The following AUH variants were observed in gnomAD, a reference collection of about 807,000 sequenced individuals.
The protein encoded by AUH is AU RNA binding methylglutaconyl-CoA hydratase, also known as methylglutaconyl-CoA hydratase, mitochondrial.
Under a neutral mutation model 42.3 loss-of-function variants are expected in AUH, and 29 were observed. That is an observed-to-expected ratio of 0.69 (90% CI 0.51 to 0.93). The LOEUF is 0.93. Among genes scored for constraint, AUH ranks in the 40% least tolerant of loss-of-function variants. The pLI, the probability that AUH is intolerant of heterozygous loss-of-function variation, is 0.00. For synonymous variants in AUH, 174 were observed against 166.4 expected (o/e 1.05, Z -0.35); for missense variants, 452 against 438.1 (o/e 1.03, Z -0.28).
chr9:91,257,622 T>C (rs1335308038), intron 6 of AUH, among the ~76,000 whole-genome samples: 1 of 152,248 alleles, frequency 6.6e-6, no homozygotes, highest in Non-Finnish European at 1.5e-5. Flanking sequence ...GGTCTATTTC[T>C]GGAATTTCTA....
At chr9:91,323,100 A>C (rs1014815185) in intron 4 of AUH, among the ~76,000 whole-genome samples, 5 of 152,222 alleles carry the variant, frequency 3.3e-5, no homozygotes, top group Non-Finnish European at 5.9e-5. Flanking sequence ...AAGTCAAAGA[A>C]AGATAAGGAT....
chr9:91,284,515 C>T (rs1022517513), intron 6 of AUH, among the ~76,000 whole-genome samples: 6 of 152,134 alleles, frequency 3.9e-5, no homozygotes, highest in East Asian at 3.9e-4. Context: ...CTGCCATCAG[C>T]GTGAACAGGC....
intron 4 of AUH, among the ~76,000 whole-genome samples, chr9:91,313,801 C>G (rs1240386844): frequency 6.7e-6 from 1 of 148,460 alleles, no homozygotes; most frequent in Non-Finnish European, 1.5e-5. Context: ...GGCCTCTGTG[C>G]AGTATCTGGT....
intron 6 of AUH, among the ~76,000 whole-genome samples, chr9:91,268,614 C>T (rs543632864): frequency 3.9e-5 from 6 of 152,096 alleles, no homozygotes; most frequent in Non-Finnish European, 5.9e-5. Context: ...TATTTTAGTA[C>T]AGATGGGGTT....
In AUH at chr9:91,361,728, C is replaced by A. The variant is rs1471856715; in HGVS notation, c.162G>T (p.Trp54Cys). Reference protein sequence around the residue: ...RAGPAIWAQGWVPAAGGPAPK... With the variant: ...RAGPAIWAQGCVPAAGGPAPK... ...GGGCGGGACCCCCGGCCGCAGGTAC[C>A]CAGCCCTGGGCCCAGATCGCCGGGC... The change falls in exon 1 of 10, where the codon TGG becomes TGT. Residue 54 changes from tryptophan to cysteine, a missense_variant. Coordinates refer to ENST00000375731, the MANE Select transcript of AUH (RefSeq NM_001698.3). The A allele has an allele frequency of 6.5e-7, 1 of 1,549,440 alleles. No individual in the cohort carries two copies. The highest frequency in any genetic ancestry group is 2.4e-5 in the East Asian group (1 of 40,946).
At chr9:91,239,041 C>T (rs1173936116) in intron 6 of AUH, among the ~76,000 whole-genome samples, 1 of 152,176 alleles carries the variant, frequency 6.6e-6, no homozygotes, top group Non-Finnish European at 1.5e-5. Context: ...CAAGCTTTGA[C>T]ATTTCACATT....
chr9:91,361,809 AC>A lies in AUH; in HGVS notation c.80del (p.Ser27MetfsTer8), dbSNP rs730880310. ...AGGARLVAAC[S>X]AWLCPGLRLP... ...GCCTCAACCCCGGGCAGAGCCACGC[AC>A]TGCAAGCGGCCACCAGGCGGGCGCC... On this transcript the variant is annotated frameshift_variant, in exon 1 of 10. Transcript: ENST00000375731. LOFTEE classifies it high-confidence loss of function. 6.6e-7 allele frequency: 1 copy of A among 1,517,094 alleles called. No individual in the cohort carries two copies. 94.0% of individuals were successfully genotyped at this position (1,517,094 alleles called of 1,614,324 possible).
chr9:91,239,758 T>TGCACACAC (rs143332656), intron 6 of AUH, among the ~76,000 whole-genome samples: 1 of 151,920 alleles, frequency 6.6e-6, no homozygotes, highest in Non-Finnish European at 1.5e-5. Flanking sequence ...CACACACACA[T>TGCACACAC]GCACACACGC....
intron 6 of AUH, among the ~76,000 whole-genome samples, chr9:91,294,963 A>G (rs975231767): frequency 6.6e-6 from 1 of 152,194 alleles, no homozygotes; most frequent in Non-Finnish European, 1.5e-5. Flanking sequence ...CCTGAATTGT[A>G]GCTCCCATAA....
chr9:91,329,681 T>C (rs1013696475), intron 3 of AUH, among the ~76,000 whole-genome samples: 7 of 152,200 alleles, frequency 4.6e-5, no homozygotes, highest in African/African-American at 1.4e-4. Context: ...TTCTTCATTT[T>C]TGTGTCTTGC....
intron 4 of AUH, among the ~76,000 whole-genome samples, chr9:91,313,510 C>G (rs1365751592): frequency 1.3e-5 from 2 of 150,436 alleles, no homozygotes; most frequent in Non-Finnish European, 3.0e-5. Flanking sequence ...TCGAGACCAT[C>G]CTGGCTAACA....
intron 6 of AUH, among the ~76,000 whole-genome samples, chr9:91,225,917 A>G (rs1452172146): frequency 6.6e-6 from 1 of 151,158 alleles, no homozygotes; most frequent in Non-Finnish European, 1.5e-5. Context: ...TCCATGGTGT[A>G]TATGTGCCAC....
chr9:91,253,399 G>A (rs545785439), intron 6 of AUH, among the ~76,000 whole-genome samples: 9 of 152,226 alleles, frequency 5.9e-5, no homozygotes, highest in African/African-American at 2.2e-4. Context: ...TTGTTATGAT[G>A]TTAAATTTAT....
intron 6 of AUH, among the ~76,000 whole-genome samples, chr9:91,280,950 T>G (rs1464397132): frequency 6.6e-6 from 1 of 152,222 alleles, no homozygotes; most frequent in Non-Finnish European, 1.5e-5. Flanking sequence ...TTTCAGGATT[T>G]TTTTAAAAGT....
In AUH at chr9:91,242,895, A is replaced by G. The variant is rs1828596843; in HGVS notation, c.656-21903T>C. Reference sequence around the variant, plus strand: ...ATGACCAAAGAATGGAGTGGACATGAAGACAAGAATGTTTCTGATATTCTT... The same window carrying G: ...ATGACCAAAGAATGGAGTGGACATGGAGACAAGAATGTTTCTGATATTCTT... On this transcript the variant is annotated intron_variant, in intron 6 of 9. Coordinates refer to ENST00000375731, the MANE Select transcript of AUH (RefSeq NM_001698.3). Among the ~76,000 whole-genome samples, 3 of 152,216 alleles carry G rather than the reference A, an allele frequency of 2.0e-5. No homozygotes were observed. The South Asian group carries it at 6.2e-4, about 32-fold the overall frequency.
At chr9:91,217,471 G>C in intron 7 of AUH, 144 bp from the exon 8 acceptor site, 1 of 767,560 alleles carries the variant, frequency 1.3e-6, no homozygotes, top group Non-Finnish European at 2.1e-6. Context: ...AATTTTCTGA[G>C]CCTTGCAAGG....
chr9:91,238,795 T>C lies in AUH; in HGVS notation c.656-17803A>G, dbSNP rs55652055. ...CAGAGGCTTAAAGCACAGCAAGCTT[T>C]TGCCAGAGAAGGCAAGAAGTAAAAT... On this transcript the variant is annotated intron_variant, in intron 6 of 9. Transcript: ENST00000375731. Among the ~76,000 whole-genome samples, 608 of 152,338 alleles carry C rather than the reference T, an allele frequency of 4.0e-3. 3 individuals are homozygous for C. Among genetic ancestry groups the C allele is most frequent in the Non-Finnish European group, 6.5e-3 (443 of 68,034 alleles).
At chr9:91,361,548 G>C (rs969363264) in intron 1 of AUH, 80 bp downstream of exon 1, 13 of 1,517,842 alleles carry the variant, frequency 8.6e-6, no homozygotes, top group Non-Finnish European at 1.1e-5. Context: ...GCGTCCTGCC[G>C]GCGGACGCTG....
intron 6 of AUH, among the ~76,000 whole-genome samples, chr9:91,287,014 T>C (rs1358085646): frequency 1.3e-5 from 2 of 151,990 alleles, no homozygotes; most frequent in Non-Finnish European, 2.9e-5. Context: ...CACTTCACAA[T>C]GTGTGTGTGT....
Sources: gnomAD v4.1 joint callset for allele counts (sites outside exome capture counted in the v4.1 genomes callset) on GRCh38, gnomAD v4.1.1 for gene constraint, MANE v1.5 for transcripts, NCBI Gene and HGNC (gene_info 2026-07-23, HGNC 2026-07-21) for gene names.